Variants in CAPN10 observed in about 807,000 individuals in gnomAD.
CAPN10 encodes the protein calpain-10.
A neutral mutation model predicts 78.4 loss-of-function variants in CAPN10; 71 were observed. That is an observed-to-expected ratio of 0.91 (90% CI 0.75 to 1.10). The LOEUF (loss-of-function observed/expected upper bound fraction) is 1.10. CAPN10 is among the 50% of genes least tolerant of loss of function. CAPN10 has a pLI of 0.00. For synonymous variants in CAPN10, 437 were observed against 407.2 expected (o/e 1.07, Z -0.88); for missense variants, 849 against 924.6 (o/e 0.92, Z 1.06).
chr2:240,590,130 C>T (rs1044018837), intron 2 of CAPN10: 1 of 152,094 alleles, frequency 6.6e-6, no homozygotes. Flanking sequence ...TTTTTTTAAA[C>T]GAGAGTGCTA....
chr2:240,589,353 C>T lies in CAPN10; in HGVS notation c.152C>T (p.Ala51Val), dbSNP rs2093086999. 2 of 1,614,026 alleles carry T rather than the reference C, an allele frequency of 1.2e-6. No individual in the cohort carries two copies. The highest frequency in any genetic ancestry group is 1.6e-4 in the Middle Eastern group (1 of 6,084). The part of the protein sequence containing the change: ...ITWRRPQEIC[A>V]TPRLFPDDPR... ...CTTTCTGTATCTCAGGAGATTTGTG[C>T]CACACCCCGGCTGTTTCCAGATGAC... Residue 51 changes from alanine (A) to valine (V), a missense_variant, in exon 2 of 12, where the codon GCC becomes GTC. Coordinates refer to ENST00000391984, the MANE Select transcript of CAPN10 (RefSeq NM_023083.4).
chr2:240,588,681 A>G (rs953954992), intron 1 of CAPN10, among the ~76,000 whole-genome samples: 3 of 152,064 alleles, frequency 2.0e-5, no homozygotes, highest in Non-Finnish European at 4.4e-5. Flanking sequence ...CTGTGTGGAG[A>G]GTGAATGGGA....
At position 240,595,123 on chromosome 2, in the gene CAPN10, A is replaced by G. The variant is rs1277596265; in HGVS notation, c.1097A>G (p.Lys366Arg). The change falls in exon 7 of 12, where the codon AAA becomes AGA. Residue 366 changes from lysine to arginine, a missense_variant. Lys to Arg is a conservative substitution (Grantham distance 26). Coordinates refer to ENST00000391984, the MANE Select transcript of CAPN10 (RefSeq NM_023083.4). ...AACAGCGGCTTTCCCAGCAACCCCA[A>G]ATTCTGGCTGCGGGTCTCAGAACCG... The part of the protein sequence containing the change: ...RNNSGFPSNP[K>R]FWLRVSEPSE... 1 of 1,613,888 alleles carries G rather than the reference A, an allele frequency of 6.2e-7. No homozygotes were observed. Among genetic ancestry groups the G allele is most frequent in the Non-Finnish European group, 8.5e-7 (1 of 1,179,996 alleles).
intron 7 of CAPN10, 184 bp downstream of exon 7, chr2:240,595,488 ACCTGAGACTG>A: frequency 1.6e-6 from 1 of 643,506 alleles, no homozygotes; most frequent in South Asian, 1.9e-5. Context: ...CCCGGCTCTG[ACCTGAGACTG>A]CAGGTCTTTC....
rs754709387 is a variant in CAPN10 at position 240,596,383 on chromosome 2, G to A, written c.1343G>A (p.Cys448Tyr). The change falls in exon 8 of 12, where the codon TGC becomes TAC. Residue 448 changes from cysteine to tyrosine, a missense_variant. Cys to Tyr is a radical substitution (Grantham distance 194, BLOSUM62 -2). Transcript: ENST00000391984. ...ATGCCCCCCGTGGCTGGCACCGCGT[G>A]CCATGCATACGACCGGGAGGTCCAC... ...LSMPPVAGTA[C>Y]HAYDREVHLR... 6.2e-7 allele frequency: 1 copy of A among 1,613,240 alleles called. No homozygotes were observed. Among genetic ancestry groups the A allele is most frequent in the South Asian group, 1.1e-5 (1 of 91,082 alleles).
intron 1 of CAPN10, among the ~76,000 whole-genome samples, chr2:240,587,545 C>T (rs955485638): frequency 2.0e-5 from 3 of 152,256 alleles, no homozygotes; most frequent in Non-Finnish European, 2.9e-5. Flanking sequence ...ATGCCCTGGC[C>T]GAGTGCTGTG....
At chr2:240,591,396 C>T in intron 3 of CAPN10, 1 of 242,848 alleles carries the variant, frequency 4.1e-6, no homozygotes, top group South Asian at 7.9e-5. Flanking sequence ...CCCAGCATAC[C>T]AACACTTGTG....
In CAPN10 at chr2:240,591,886, C is replaced by T. The variant is rs1287945272; in HGVS notation, c.471-47C>T. 2.0e-6 allele frequency: 3 copies of T among 1,535,126 alleles called. No individual in the cohort carries two copies. The Admixed American group carries it at 5.4e-5, about 28-fold the overall frequency. ...AGACCATGGGAATCAGAGAGGGGGC[C>T]ATGCTCAATGCCAGAGGCTCACTCC... On this transcript the variant is annotated intron_variant, in intron 3 of 11. Coordinates refer to ENST00000391984, the MANE Select transcript of CAPN10 (RefSeq NM_023083.4).
rs968075295 is a variant in CAPN10, at chr2:240,586,862, G to T, written c.-50G>T. 4 of 1,331,420 alleles carry T rather than the reference G, an allele frequency of 3.0e-6. No individual in the cohort carries two copies. The highest frequency in any genetic ancestry group is 3.8e-6 in the Non-Finnish European group (4 of 1,044,918). 82.5% of individuals were successfully genotyped at this position (1,331,420 alleles called of 1,614,324 possible). ...GCGGCTGACTCGCCTTCTCTCCGGG[G>T]CTGCGACCCCGAGGCAACCGGCTGC... On this transcript the variant is annotated 5_prime_UTR_variant, in exon 1 of 12. Transcript: ENST00000391984.
At position 240,595,187 on chromosome 2, in the gene CAPN10, G is replaced by A. The variant is rs753347964; in HGVS notation, c.1161G>A (p.Leu387=). The change falls in exon 7 of 12, where the codon CTG becomes CTA. Residue 387 remains leucine (L), a synonymous_variant. Coordinates refer to ENST00000391984, the MANE Select transcript of CAPN10 (RefSeq NM_023083.4). ...VYIAVLQRSR[L]HAADWAGRAR... ...TTGCCGTCCTGCAGAGATCCAGGCTGCACGCGGCGGACTGGGCAGGCCGGG... is the reference window on the plus strand; with the variant it reads ...TTGCCGTCCTGCAGAGATCCAGGCTACACGCGGCGGACTGGGCAGGCCGGG... The A allele has an allele frequency of 1.2e-6, 2 of 1,613,834 alleles. No individual in the cohort carries two copies. The highest frequency in any genetic ancestry group is 8.5e-7 in the Non-Finnish European group (1 of 1,180,028).
At chr2:240,598,516 C>A (rs2093151760) in intron 11 of CAPN10, 119 bp downstream of exon 11, 9 of 1,444,094 alleles carry the variant, frequency 6.2e-6, no homozygotes, top group Non-Finnish European at 8.7e-6. Context: ...CTTGACTCTT[C>A]CTGTGAGAGC....
At position 240,596,460 on chromosome 2, in the gene CAPN10, C is replaced by A. The variant is rs114535069; in HGVS notation, c.1420C>A (p.Leu474Met). The change falls in exon 8 of 12, where the codon CTG becomes ATG. Residue 474 changes from leucine to methionine, a missense_variant. Leu to Met is a conservative substitution (Grantham distance 15, BLOSUM62 2). Transcript: ENST00000391984. ...CTACCTGGCTGTCCCCAGCACCTTC[C>A]TGAAGGACGCGCCAGGGGAGTTCCT... ...GYYLAVPSTF[L>M]KDAPGEFLLR... is the part of the protein sequence containing the mutation. The A allele has an allele frequency of 7.5e-4, 1,210 of 1,613,492 alleles. 4 individuals are homozygous for A. In the African/African-American group the frequency reaches 0.013, roughly 18 times the overall value.
Position 240,592,101 on chromosome 2 carries a change from C to A in CAPN10, c.639C>A (p.His213Gln), listed in dbSNP as rs766089057. 6.3e-7 allele frequency: 1 copy of A among 1,591,128 alleles called. No homozygotes were observed. Among genetic ancestry groups the A allele is most frequent in the South Asian group, 1.1e-5 (1 of 87,740 alleles). ...ACAGGACTTGTCGGCAGCTGCTCCA[C>A]CTGAAGGACCAGTGTCTGATCAGCT... ...WEHRTCRQLL[H>Q]LKDQCLISCC... Residue 213 changes from histidine (H) to glutamine (Q), a missense_variant, in exon 4 of 12, where the codon CAC becomes CAA. Physicochemically the swap from His to Gln is conservative, Grantham distance 24. Transcript: ENST00000391984.
chr2:240,594,962 C>T (rs2093127147), intron 6 of CAPN10, 62 bp from the exon 7 acceptor site: 5 of 1,568,070 alleles, frequency 3.2e-6, no homozygotes, highest in Non-Finnish European at 4.4e-6. Flanking sequence ...CATGAGGCCA[C>T]CATGGCGGGA....
rs1254375678 is a variant in CAPN10 at position 240,591,674 on chromosome 2, T to A, written c.471-259T>A. 5.5e-6 allele frequency: 3 copies of A among 542,828 alleles called. No homozygotes were observed. The East Asian group carries it at 9.0e-5, about 16-fold the overall frequency. 33.6% of individuals were successfully genotyped at this position (542,828 alleles called of 1,614,324 possible). ...ATAGCTTCCACGCCTCCTGCCCTGC[T>A]CCTGTGCCCACACCGGATGCCAGAG... On this transcript the variant is annotated intron_variant, in intron 3 of 11. Coordinates refer to ENST00000391984, the MANE Select transcript of CAPN10 (RefSeq NM_023083.4).
In CAPN10 at chr2:240,596,302, C is replaced by T. The variant is rs1007031224; in HGVS notation, c.1279-17C>T. ...CCGGCCGCTCCTCCACACTGAGCCT[C>T]CTGCACGTGCTCACAGGTAGAGAAG... is the stretch of plus-strand genomic sequence containing the variant. On this transcript the variant is annotated splice_polypyrimidine_tract_variant and intron_variant, in intron 7 of 11. Coordinates refer to ENST00000391984, the MANE Select transcript of CAPN10 (RefSeq NM_023083.4). The T allele has an allele frequency of 1.7e-5, 27 of 1,593,042 alleles. No homozygotes were observed. The highest frequency in any genetic ancestry group is 2.3e-5 in the Non-Finnish European group (27 of 1,165,144).
chr2:240,598,581 C>CTG lies in CAPN10; in HGVS notation c.1990-69_1990-68dup. The CTG allele has an allele frequency of 4.0e-6, 6 of 1,515,800 alleles. No individual in the cohort carries two copies. In the South Asian group the frequency reaches 7.2e-5, roughly 18 times the overall value. The allele number at this position is 1,515,800 out of a possible 1,614,324, so 93.9% of individuals were successfully genotyped here. On this transcript the variant is annotated intron_variant, in intron 11 of 11. Transcript: ENST00000391984. The stretch of plus-strand genomic sequence containing the variant: ...GCTGAGGCTGCGTCCCATTCCCTGG[C>CTG]TGCACTCGGGGTGGGGTGTGAGAAG...
In CAPN10 at chr2:240,589,442, G is replaced by A. The variant is rs781112808; in HGVS notation, c.241G>A (p.Ala81Thr). 2.5e-5 allele frequency: 41 copies of A among 1,613,728 alleles called. No individual in the cohort carries two copies. The highest frequency in any genetic ancestry group is 1.6e-4 in the Middle Eastern group (1 of 6,082). ...GDCWFLCACA[A>T]LQKSRHLLDQ... ...TTGCTGGTTCCTGTGTGCCTGCGCC[G>A]CGCTGCAGAAGAGCAGGCACCTCCT... The change falls in exon 2 of 12, where the codon GCG becomes ACG. Residue 81 changes from alanine (A) to threonine (T), a missense_variant. By Grantham distance (58) the Ala-to-Thr change is moderately conservative. Coordinates refer to ENST00000391984, the MANE Select transcript of CAPN10 (RefSeq NM_023083.4).
At chr2:240,598,585 A>G (rs2093152206) in intron 11 of CAPN10, 66 bp from the exon 12 acceptor site, 1 of 1,527,442 alleles carries the variant, frequency 6.5e-7, no homozygotes, top group South Asian at 1.2e-5. Flanking sequence ...CCCTGGCTGC[A>G]CTCGGGGTGG....
Sources: allele counts gnomAD v4.1 joint callset (sites outside exome capture counted in the v4.1 genomes callset), GRCh38; gene constraint gnomAD v4.1.1; transcripts MANE v1.5; gene names NCBI Gene and HGNC (gene_info 2026-07-23, HGNC 2026-07-21).